The following MTX2 variants were observed in gnomAD, a reference collection of about 807,000 sequenced individuals.
MTX2 encodes the protein metaxin 2.
Under a neutral mutation model 42.3 loss-of-function variants are expected in MTX2, and 35 were observed. That is an observed-to-expected ratio of 0.83 (90% CI 0.63 to 1.10). MTX2 has a LOEUF of 1.10. MTX2 is among the 50% of genes least tolerant of loss of function. MTX2 has a pLI of 0.00. For synonymous variants in MTX2, 119 were observed against 100.9 expected, an observed-to-expected ratio of 1.18 and a Z score of -1.08; for missense variants, 307 against 304.1, an observed-to-expected ratio of 1.01 and a Z score of -0.07.
At chr2:176,290,516 CT>C (rs1693302964) in intron 1 of MTX2, among the ~76,000 whole-genome samples, 1 of 152,144 alleles carries the variant, frequency 6.6e-6, no homozygotes, top group African/African-American at 2.4e-5. Context: ...CTGACTTTGT[CT>C]GACCTTGGGA....
At chr2:176,277,834 T>TA (rs886788224) in intron 1 of MTX2, among the ~76,000 whole-genome samples, 23 of 149,026 alleles carry the variant, frequency 1.5e-4, no homozygotes, top group East Asian at 3.9e-4. Context: ...TTAAGAGAAT[T>TA]AAAAAAAAAA....
chr2:176,334,397 A>G (rs2689949), intron 9 of MTX2, among the ~76,000 whole-genome samples: 88,007 of 151,454 alleles, frequency 0.58, 25,779 homozygotes, highest in Admixed American at 0.65. Flanking sequence ...AATATGTTTA[A>G]GGATGTGGAA....
chr2:176,271,178 C>T (rs917932409), intron 1 of MTX2, among the ~76,000 whole-genome samples: 5 of 152,086 alleles, frequency 3.3e-5, no homozygotes, highest in Non-Finnish European at 7.4e-5. Flanking sequence ...TAGGAGGAAG[C>T]ATTTAAAAAT....
chr2:176,306,149 G>C (rs1003410114), intron 3 of MTX2, among the ~76,000 whole-genome samples: 5 of 151,902 alleles, frequency 3.3e-5, no homozygotes, highest in African/African-American at 1.2e-4. Context: ...CCATCTATGA[G>C]TGAGAACATG....
chr2:176,335,931 G>A (rs1017162608), intron 9 of MTX2, among the ~76,000 whole-genome samples: 1 of 152,078 alleles, frequency 6.6e-6, no homozygotes, highest in African/African-American at 2.4e-5. Flanking sequence ...ATATTTAGGA[G>A]TCAGTGGCAT....
intron 3 of MTX2, among the ~76,000 whole-genome samples, chr2:176,307,257 A>G (rs1248824914): frequency 1.3e-5 from 2 of 152,028 alleles, no homozygotes; most frequent in Non-Finnish European, 1.5e-5. Context: ...GTTCTGTTCC[A>G]TTGGTCTATA....
intron 3 of MTX2, among the ~76,000 whole-genome samples, chr2:176,304,579 A>G (rs572476357): frequency 6.6e-6 from 1 of 152,102 alleles, no homozygotes; most frequent in African/African-American, 2.4e-5. Context: ...GAATTATTTT[A>G]TAGATAGATT....
At chr2:176,317,991 T>A (rs192535558) in intron 3 of MTX2, among the ~76,000 whole-genome samples, 1,540 of 152,180 alleles carry the variant, frequency 0.01, 22 homozygotes, top group African/African-American at 0.034. Flanking sequence ...ATGTATTGAT[T>A]TTCTACTGTG....
intron 8 of MTX2, 62 bp downstream of exon 8, chr2:176,329,488 A>G: frequency 2.1e-6 from 3 of 1,460,770 alleles, no homozygotes; most frequent in Non-Finnish European, 2.8e-6. Context: ...ATCATTCTTT[A>G]TATTGATACT....
intron 3 of MTX2, among the ~76,000 whole-genome samples, chr2:176,314,309 C>G (rs546240063): frequency 6.6e-6 from 1 of 151,912 alleles, no homozygotes; most frequent in East Asian, 1.9e-4. Flanking sequence ...TAGTAGTACA[C>G]GCCTGTAGTC....
intron 1 of MTX2, among the ~76,000 whole-genome samples, chr2:176,290,115 A>G (rs953222178): frequency 2.0e-5 from 3 of 152,172 alleles, no homozygotes; most frequent in African/African-American, 7.2e-5. Context: ...TGGATGTGGC[A>G]TTTAAACTTG....
At position 176,297,907 on chromosome 2, in the gene MTX2, A is replaced by G; in HGVS notation, c.135+12A>G. ...CTCTTGCAGTGCAGGTAAATATGTA[A>G]ATAATGTAATATCTTTTTCACCCCC... is the stretch of plus-strand genomic sequence containing the variant. On this transcript the variant is annotated intron_variant, in intron 3 of 9. Coordinates refer to ENST00000249442, the MANE Select transcript of MTX2 (RefSeq NM_006554.5). The G allele has an allele frequency of 6.5e-7, 1 of 1,540,238 alleles. No homozygotes were observed. Among genetic ancestry groups the G allele is most frequent in the South Asian group, 1.3e-5 (1 of 77,350 alleles).
chr2:176,307,527 A>G (rs532512355), intron 3 of MTX2, among the ~76,000 whole-genome samples: 13 of 152,182 alleles, frequency 8.5e-5, no homozygotes, highest in African/African-American at 2.4e-4. Context: ...GATTTTTCCT[A>G]TCCATGAGCA....
At chr2:176,325,954 C>G (rs145155361) in intron 4 of MTX2, among the ~76,000 whole-genome samples, 1 of 150,502 alleles carries the variant, frequency 6.6e-6, no homozygotes, top group East Asian at 2.0e-4. Context: ...TCCATTACCC[C>G]CAGGCTGACG....
intron 1 of MTX2, among the ~76,000 whole-genome samples, chr2:176,280,488 T>G (rs577403206): frequency 6.6e-6 from 1 of 152,216 alleles, no homozygotes; most frequent in African/African-American, 2.4e-5. Context: ...CACTTTCTTA[T>G]GTTTATGAAT....
chr2:176,332,817 A>C (rs192083566), intron 9 of MTX2, among the ~76,000 whole-genome samples: 1 of 151,470 alleles, frequency 6.6e-6, no homozygotes, highest in Non-Finnish European at 1.5e-5. Context: ...CACTCAGACA[A>C]AATTAATGCT....
intron 3 of MTX2, among the ~76,000 whole-genome samples, chr2:176,321,472 T>C (rs1323527398): frequency 6.6e-6 from 1 of 152,092 alleles, no homozygotes; most frequent in African/African-American, 2.4e-5. Context: ...AGAAACCCAA[T>C]ATAGTGGTAG....
chr2:176,323,629 G>A (rs1684637433), intron 4 of MTX2, among the ~76,000 whole-genome samples, 165 bp downstream of exon 4: 1 of 151,604 alleles, frequency 6.6e-6, no homozygotes, highest in African/African-American at 2.4e-5. Context: ...GACAATCTTG[G>A]GGTTGGCATA....
intron 1 of MTX2, among the ~76,000 whole-genome samples, chr2:176,295,207 A>G (rs993178509): frequency 1.3e-5 from 2 of 152,164 alleles, no homozygotes; most frequent in African/African-American, 2.4e-5. Context: ...TTTTATTACT[A>G]TGCTTTATTG....
Sources: allele counts gnomAD v4.1 joint callset (sites outside exome capture counted in the v4.1 genomes callset), GRCh38; gene constraint gnomAD v4.1.1; transcripts MANE v1.5; gene names NCBI Gene and HGNC (gene_info 2026-07-23, HGNC 2026-07-21).